Variants in AGMO observed in about 807,000 individuals in gnomAD.
AGMO encodes alkylglycerol monooxygenase.
A neutral mutation model predicts 60.2 loss-of-function variants in AGMO; 75 were observed. The observed-to-expected ratio is 1.25, with a 90% confidence interval of 1.03 to 1.51. The LOEUF is 1.51. Ranked by LOEUF, AGMO falls within the 40% of genes most tolerant of loss-of-function variation. The pLI is 0.00. For missense variants in AGMO, 763 were observed against 525.5 expected (o/e 1.45, Z -4.42); for synonymous variants, 261 against 177.1 (o/e 1.47, Z -3.76).
At chr7:15,254,116 T>C (rs1341716040) in intron 12 of AGMO, among the ~76,000 whole-genome samples, 3 of 152,152 alleles carry the variant, frequency 2.0e-5, no homozygotes, top group Non-Finnish European at 2.9e-5. Flanking sequence ...CTTTTTATTC[T>C]TTCTTTTTTC....
At chr7:15,253,428 G>A (rs1188253791) in intron 12 of AGMO, among the ~76,000 whole-genome samples, 2 of 152,098 alleles carry the variant, frequency 1.3e-5, no homozygotes, top group African/African-American at 2.4e-5. Flanking sequence ...AGTAGAAAGT[G>A]GATATAAAAT....
the AGMO span, among the ~76,000 whole-genome samples, chr7:15,135,088 T>A: frequency 6.6e-6 from 1 of 151,182 alleles, no homozygotes; most frequent in South Asian, 2.1e-4. Flanking sequence ...ATAACACATA[T>A]AATATATAAT....
intron 3 of AGMO, among the ~76,000 whole-genome samples, chr7:15,457,754 A>G (rs1171267698): frequency 6.6e-6 from 1 of 152,156 alleles, no homozygotes; most frequent in Non-Finnish European, 1.5e-5. Flanking sequence ...ATGAAAGCTA[A>G]ATTTTATTTA....
At chr7:15,548,664 T>C (rs1430162151) in intron 2 of AGMO, among the ~76,000 whole-genome samples, 3 of 152,056 alleles carry the variant, frequency 2.0e-5, no homozygotes, top group African/African-American at 7.3e-5. Context: ...TATGGGACTA[T>C]GTGAAAAGAC....
At position 15,304,369 on chromosome 7, in the gene AGMO, A is replaced by G. The variant is rs181021383; in HGVS notation, c.1263+61145T>C. 2.4e-3 allele frequency among the ~76,000 whole-genome samples: 360 copies of G among 152,238 alleles called. 1 individual carries two copies. The highest frequency in any genetic ancestry group is 4.0e-3 in the Non-Finnish European group (274 of 68,004). ...AGCGTACCCAGCAAACAGCTGTGGAAGGGAAGAATTGGATTGAAATTCAAG... is the reference window on the plus strand; with the variant it reads ...AGCGTACCCAGCAAACAGCTGTGGAGGGGAAGAATTGGATTGAAATTCAAG... On this transcript the variant is annotated intron_variant, in intron 12 of 12. Transcript: ENST00000342526.
downstream of AGMO, among the ~76,000 whole-genome samples, chr7:15,196,072 C>A (rs1781109167): frequency 6.6e-6 from 1 of 151,660 alleles, no homozygotes; most frequent in Non-Finnish European, 1.5e-5. Context: ...TTGACAGAGT[C>A]TCGCTCTGTC....
the AGMO span, among the ~76,000 whole-genome samples, chr7:15,161,577 A>C: frequency 6.6e-6 from 1 of 151,482 alleles, no homozygotes; most frequent in Non-Finnish European, 1.5e-5. Flanking sequence ...TTTTACATAT[A>C]TGTGTATATA....
At chr7:15,479,527 C>T (rs891899548) in intron 3 of AGMO, among the ~76,000 whole-genome samples, 1 of 152,178 alleles carries the variant, frequency 6.6e-6, no homozygotes, top group Non-Finnish European at 1.5e-5. Flanking sequence ...TAAATATTTC[C>T]ACAGTATGTA....
chr7:15,323,815 T>A (rs927765426), intron 12 of AGMO, among the ~76,000 whole-genome samples: 17 of 152,148 alleles, frequency 1.1e-4, no homozygotes, highest in African/African-American at 3.6e-4. Flanking sequence ...CATTTTTAAA[T>A]TGTGAAATTA....
intron 12 of AGMO, among the ~76,000 whole-genome samples, chr7:15,363,912 C>A (rs980857899): frequency 6.6e-6 from 1 of 151,648 alleles, no homozygotes; most frequent in Non-Finnish European, 1.5e-5. Flanking sequence ...TGTTAAAGTG[C>A]CATTTTCTTT....
chr7:15,430,045 C>A (rs1458574337), intron 4 of AGMO, among the ~76,000 whole-genome samples: 1 of 151,868 alleles, frequency 6.6e-6, no homozygotes, highest in African/African-American at 2.4e-5. Flanking sequence ...GAACTATAGA[C>A]TCAGCTCTAC....
intron 3 of AGMO, among the ~76,000 whole-genome samples, chr7:15,458,907 C>T (rs1165339276): frequency 6.6e-6 from 1 of 152,136 alleles, no homozygotes; most frequent in East Asian, 1.9e-4. Context: ...TCCAAAACTT[C>T]AGCTTACATT....
intron 12 of AGMO, among the ~76,000 whole-genome samples, chr7:15,326,387 G>A (rs1249215997): frequency 2.0e-5 from 3 of 152,148 alleles, no homozygotes; most frequent in Non-Finnish European, 4.4e-5. Flanking sequence ...GTAAATTGAT[G>A]AAAAGTGAAC....
intron 2 of AGMO, among the ~76,000 whole-genome samples, chr7:15,549,980 T>C (rs1220860499): frequency 2.6e-5 from 4 of 151,068 alleles, no homozygotes; most frequent in Non-Finnish European, 4.5e-5. Context: ...CAGACCACAG[T>C]GCAATCAAAC....
chr7:15,300,222 T>A (rs531714256), intron 12 of AGMO, among the ~76,000 whole-genome samples: 17 of 152,054 alleles, frequency 1.1e-4, no homozygotes, highest in Admixed American at 3.9e-4. Context: ...GGGGAAAAAA[T>A]TAAAGCACAG....
intron 12 of AGMO, chr7:15,306,233 C>G (rs977073494): frequency 1.3e-5 from 3 of 236,286 alleles, no homozygotes; most frequent in Non-Finnish European, 2.5e-5. Flanking sequence ...TTAAATGCAA[C>G]GTTTTGACAT....
the AGMO span, among the ~76,000 whole-genome samples, chr7:15,136,862 T>G: frequency 2.4e-3 from 359 of 152,046 alleles, 1 homozygote; most frequent in African/African-American, 8.1e-3. Flanking sequence ...TGGGATGGTT[T>G]ACCTTCTAGA....
chr7:15,411,997 A>G (rs990334480), intron 5 of AGMO, among the ~76,000 whole-genome samples: 1 of 152,136 alleles, frequency 6.6e-6, no homozygotes, highest in African/African-American at 2.4e-5. Context: ...GTGTCCTCAG[A>G]AGTCAGATCT....
At chr7:15,257,257 A>T (rs1358271741) in intron 12 of AGMO, among the ~76,000 whole-genome samples, 4 of 152,194 alleles carry the variant, frequency 2.6e-5, no homozygotes, top group African/African-American at 7.2e-5. Flanking sequence ...AACTATATAC[A>T]ACATAGGAAG....
Sources: allele counts gnomAD v4.1 joint callset (sites outside exome capture counted in the v4.1 genomes callset), GRCh38; gene constraint gnomAD v4.1.1; transcripts MANE v1.5; gene names NCBI Gene and HGNC (gene_info 2026-07-23, HGNC 2026-07-21).